The following ENTREP2 variants were observed in gnomAD, a reference collection of about 807,000 sequenced individuals.
ENTREP2 encodes the protein endosomal transmembrane epsin interactor 2.
the ENTREP2 span, among the ~76,000 whole-genome samples, chr15:29,657,553 G>A: frequency 2.8e-4 from 42 of 147,840 alleles, no homozygotes; most frequent in African/African-American, 9.9e-4. Flanking sequence ...TCCTATCAGA[G>A]TGCCCTTTTT....
chr15:29,185,301 A>G, the ENTREP2 span, among the ~76,000 whole-genome samples: 1 of 152,082 alleles, frequency 6.6e-6, no homozygotes, highest in South Asian at 2.1e-4. Flanking sequence ...AATCACACCC[A>G]ATGCCCTCCA....
the ENTREP2 span, among the ~76,000 whole-genome samples, chr15:29,522,396 T>A: frequency 2.0e-5 from 3 of 152,178 alleles, no homozygotes; most frequent in Non-Finnish European, 2.9e-5. Context: ...ATAAAAATGA[T>A]GTCAACAAAA....
chr15:29,484,221 C>T, the ENTREP2 span, among the ~76,000 whole-genome samples: 1 of 152,182 alleles, frequency 6.6e-6, no homozygotes, highest in South Asian at 2.1e-4. Context: ...TCAATTAAAA[C>T]AGAAAGCTAC....
the ENTREP2 span, among the ~76,000 whole-genome samples, chr15:29,301,793 T>C: frequency 2.0e-5 from 3 of 152,202 alleles, no homozygotes; most frequent in Admixed American, 2.0e-4. Context: ...TGAATGGAAT[T>C]AGTGTCCTTA....
the ENTREP2 span, among the ~76,000 whole-genome samples, chr15:29,526,170 C>T: frequency 9.9e-5 from 15 of 152,274 alleles, no homozygotes; most frequent in Admixed American, 6.5e-4. Flanking sequence ...TATAGTGCTA[C>T]ACCTGGCAAA....
At chr15:29,323,853 A>T in the ENTREP2 span, among the ~76,000 whole-genome samples, 9 of 152,008 alleles carry the variant, frequency 5.9e-5, no homozygotes, top group East Asian at 1.9e-4. Context: ...AGTTTGAGAA[A>T]TTTTTTCCCA....
At chr15:29,528,834 T>G in the ENTREP2 span, among the ~76,000 whole-genome samples, 1 of 152,286 alleles carries the variant, frequency 6.6e-6, no homozygotes, top group East Asian at 1.9e-4. Context: ...CTGTCTAAAC[T>G]CCATCCATCG....
chr15:29,633,683 G>A, the ENTREP2 span, among the ~76,000 whole-genome samples: 72 of 152,260 alleles, frequency 4.7e-4, no homozygotes, highest in Non-Finnish European at 8.8e-4. Context: ...TGAGGGGGCC[G>A]GGCACGGTGG....
the ENTREP2 span, among the ~76,000 whole-genome samples, chr15:29,343,297 T>C: frequency 2.6e-5 from 4 of 152,092 alleles, no homozygotes. Flanking sequence ...CTACAATAAA[T>C]AGACTCAGTT....
At chr15:29,173,319 T>C in the ENTREP2 span, among the ~76,000 whole-genome samples, 1 of 152,220 alleles carries the variant, frequency 6.6e-6, no homozygotes, top group Non-Finnish European at 1.5e-5. Flanking sequence ...TACGTGACTA[T>C]GATAGAAGAC....
chr15:29,124,909 G>T, the ENTREP2 span: 14 of 704,170 alleles, frequency 2.0e-5, no homozygotes, highest in African/African-American at 2.0e-4. Context: ...CGGCAGATCA[G>T]ACAGGAACCG....
At chr15:29,314,960 G>A in the ENTREP2 span, among the ~76,000 whole-genome samples, 3 of 152,214 alleles carry the variant, frequency 2.0e-5, no homozygotes, top group East Asian at 1.9e-4. Context: ...GCTGAGGCAG[G>A]AGAATTGTTT....
chr15:29,454,132 T>C, the ENTREP2 span, among the ~76,000 whole-genome samples: 1 of 152,180 alleles, frequency 6.6e-6, no homozygotes, highest in African/African-American at 2.4e-5. Context: ...ATTATGAGAC[T>C]GCACCAGTTT....
At chr15:29,348,046 G>A in the ENTREP2 span, among the ~76,000 whole-genome samples, 1 of 152,156 alleles carries the variant, frequency 6.6e-6, no homozygotes, top group African/African-American at 2.4e-5. Flanking sequence ...GGTGCAAGGG[G>A]TGGGCGAGCT....
At chr15:29,513,309 A>G in the ENTREP2 span, among the ~76,000 whole-genome samples, 1 of 152,206 alleles carries the variant, frequency 6.6e-6, no homozygotes, top group Admixed American at 6.5e-5. Flanking sequence ...AACACAACAC[A>G]ACACTTTGTC....
At chr15:29,248,971 A>C in the ENTREP2 span, among the ~76,000 whole-genome samples, 1 of 152,248 alleles carries the variant, frequency 6.6e-6, no homozygotes, top group Non-Finnish European at 1.5e-5. Context: ...TTAAATAAAC[A>C]ATGTTACATT....
At chr15:29,348,790 G>C in the ENTREP2 span, among the ~76,000 whole-genome samples, 1 of 152,206 alleles carries the variant, frequency 6.6e-6, no homozygotes, top group African/African-American at 2.4e-5. Context: ...TGTCATATGA[G>C]TAAAACCACA....
At chr15:29,351,113 C>T in the ENTREP2 span, among the ~76,000 whole-genome samples, 1 of 152,140 alleles carries the variant, frequency 6.6e-6, no homozygotes, top group Non-Finnish European at 1.5e-5. Context: ...TCAGAGAGTG[C>T]ACTCGCACTA....
chr15:29,235,150 G>T, the ENTREP2 span: 2 of 867,452 alleles, frequency 2.3e-6, no homozygotes, highest in Non-Finnish European at 1.9e-6. Context: ...CTCTGCCTGA[G>T]CGAGGTGGGA....
Sources: gnomAD v4.1 joint callset for allele counts (sites outside exome capture counted in the v4.1 genomes callset) on GRCh38, gnomAD v4.1.1 for gene constraint, MANE v1.5 for transcripts, NCBI Gene and HGNC (gene_info 2026-07-23, HGNC 2026-07-21) for gene names.